Variants in ABCA13 observed in about 807,000 individuals in gnomAD.
ABCA13 encodes the protein ATP binding cassette subfamily A member 13.
A neutral mutation model predicts 478.7 loss-of-function variants in ABCA13; 476 were observed. The observed-to-expected ratio is 0.99, with a 90% CI of 0.92 to 1.07. The LOEUF (loss-of-function observed/expected upper bound fraction) is 1.07. Among genes scored for constraint, ABCA13 ranks in the 50% least tolerant of loss-of-function variants. ABCA13 has a pLI of 0.00. For missense variants in ABCA13, 6,060 were observed against 5,910.6 expected, an observed-to-expected ratio of 1.03 and a Z score of -0.83; for synonymous variants, 2,252 against 2,158.9, an observed-to-expected ratio of 1.04 and a Z score of -1.20.
chr7:48,373,936 T>C (rs1290231975), intron 33 of ABCA13, among the ~76,000 whole-genome samples: 2 of 152,190 alleles, frequency 1.3e-5, no homozygotes, highest in African/African-American at 4.8e-5. Context: ...TCAATACACC[T>C]TCTTTCTAGT....
At position 48,245,901 on chromosome 7, in the gene ABCA13, C is replaced by A. The variant is rs768509907; in HGVS notation, c.1530C>A (p.Phe510Leu). 6.2e-7 allele frequency: 1 copy of A among 1,613,368 alleles called. No homozygotes were observed. The highest frequency in any genetic ancestry group is 8.5e-7 in the Non-Finnish European group (1 of 1,179,640). The change falls in exon 13 of 62, where the codon TTC (phenylalanine) becomes TTA (leucine). Residue 510 changes from phenylalanine to leucine, a missense_variant. Transcript: ENST00000435803. ...AKNAVCPNGR[F>L]SEKEVFLPPG... Reference sequence around the variant, plus strand: ...ATGCTGTCTGCCCGAATGGTCGTTTCTCTGAGAAGGAGGTCTTTTTGCCGC... The same window carrying A: ...ATGCTGTCTGCCCGAATGGTCGTTTATCTGAGAAGGAGGTCTTTTTGCCGC...
rs941245783 is a variant in ABCA13, at chr7:48,387,824, A to T, written c.11338A>T (p.Thr3780Ser). The change falls in exon 36 of 62, where the codon ACA becomes TCA. Residue 3780 changes from threonine to serine, a missense_variant and splice_region_variant. Thr to Ser is a moderately conservative substitution (Grantham distance 58, BLOSUM62 1). Around this residue, in one of 3 missense-constraint regions of ABCA13, gnomAD observed 1,627 missense variants for 1,571.0 expected, o/e 1.04. Transcript: ENST00000435803. ...GWYLSNLIPG[T>S]FGLRKPWYFP... ...ATTTTAATTGTTTCATTTTTTAGGA[A>T]CATTTGGTTTACGGAAACCATGGTA... The T allele has an allele frequency of 6.4e-7, 1 of 1,570,024 alleles. No individual in the cohort carries two copies. The highest frequency in any genetic ancestry group is 2.0e-5 in the Admixed American group (1 of 49,222).
intron 2 of ABCA13, among the ~76,000 whole-genome samples, chr7:48,195,101 T>G (rs1275245621): frequency 6.6e-6 from 1 of 152,074 alleles, no homozygotes. Context: ...AACAAGAGAG[T>G]GCAGAGGAGA....
chr7:48,339,994 T>C (rs949866880), intron 29 of ABCA13, among the ~76,000 whole-genome samples: 1 of 152,212 alleles, frequency 6.6e-6, no homozygotes, highest in Non-Finnish European at 1.5e-5. Context: ...CTTTTCTTCA[T>C]CCTATAAACA....
At chr7:48,287,444 A>G (rs111609360) in intron 19 of ABCA13, among the ~76,000 whole-genome samples, 6 of 152,324 alleles carry the variant, frequency 3.9e-5, no homozygotes, top group African/African-American at 1.4e-4. Flanking sequence ...TTGGGAGGTC[A>G]TGCTGAGCAG....
chr7:48,257,688 G>A (rs1793599557), intron 15 of ABCA13, among the ~76,000 whole-genome samples: 1 of 152,084 alleles, frequency 6.6e-6, no homozygotes, highest in Admixed American at 6.6e-5. Context: ...CTGATGTGTT[G>A]CTGATTTGGT....
chr7:48,374,280 T>C lies in ABCA13; in HGVS notation c.11134-67T>C, dbSNP rs559400763. On this transcript the variant is annotated intron_variant, in intron 33 of 61. Transcript: ENST00000435803. ...ATGGCTTCGCTCCTTGAATTAAGTG[T>C]TGTGGATTTTCTGTGGTCCCAATCA... 313 of 1,426,120 alleles carry C rather than the reference T, an allele frequency of 2.2e-4. 1 individual carries two copies. Among genetic ancestry groups the C allele is most frequent in the Non-Finnish European group, 2.2e-4 (232 of 1,042,428 alleles). The allele number at this position is 1,426,120 out of a possible 1,614,324, so 88.3% of individuals were successfully genotyped here. A position where few individuals can be genotyped will look rare whatever the true frequency, so the allele number is the denominator to read the frequency against.
chr7:48,520,360 T>C, intron 53 of ABCA13, 66 bp downstream of exon 53: 1 of 1,495,618 alleles, frequency 6.7e-7, no homozygotes, highest in Non-Finnish European at 8.9e-7. Flanking sequence ...AGAGAAAAAT[T>C]CATCCTGGAG....
intron 38 of ABCA13, among the ~76,000 whole-genome samples, chr7:48,394,328 C>T (rs1470124085): frequency 2.0e-5 from 3 of 152,168 alleles, no homozygotes; most frequent in Non-Finnish European, 2.9e-5. Flanking sequence ...GTGCCTGCTG[C>T]GCTGGTCTTA....
chr7:48,381,186 T>C (rs2129043479), intron 35 of ABCA13, among the ~76,000 whole-genome samples: 1 of 152,174 alleles, frequency 6.6e-6, no homozygotes, highest in Middle Eastern at 3.4e-3. Flanking sequence ...TAACAAAGTG[T>C]AGTTTCAATG....
At chr7:48,457,900 T>C (rs952500418) in intron 43 of ABCA13, among the ~76,000 whole-genome samples, 8 of 152,228 alleles carry the variant, frequency 5.3e-5, no homozygotes, top group Admixed American at 2.0e-4. Context: ...AGCATCCACA[T>C]TGATGGAACA....
chr7:48,409,488 C>G (rs1818703117), intron 39 of ABCA13, among the ~76,000 whole-genome samples: 1 of 152,176 alleles, frequency 6.6e-6, no homozygotes, highest in African/African-American at 2.4e-5. Flanking sequence ...CCCAAGTCCC[C>G]CTCCACCCTG....
chr7:48,522,146 G>A (rs1298725204), intron 53 of ABCA13, among the ~76,000 whole-genome samples: 3 of 152,080 alleles, frequency 2.0e-5, no homozygotes, highest in Non-Finnish European at 4.4e-5. Flanking sequence ...TTATGGTATC[G>A]ATATGCTACT....
At chr7:48,642,783 T>C (rs545866305) in intron 59 of ABCA13, among the ~76,000 whole-genome samples, 1 of 152,298 alleles carries the variant, frequency 6.6e-6, no homozygotes, top group African/African-American at 2.4e-5. Context: ...TTTGCAGTCA[T>C]AGGGCCTGTC....
At position 48,520,370 on chromosome 7, in the gene ABCA13, G is replaced by A; in HGVS notation, c.14051+76G>A. The A allele has an allele frequency of 4.8e-6, 7 of 1,457,066 alleles. No individual in the cohort carries two copies. The South Asian group carries it at 5.9e-5, about 12-fold the overall frequency. 90.3% of individuals were successfully genotyped at this position (1,457,066 alleles called of 1,614,324 possible). On this transcript the variant is annotated intron_variant, in intron 53 of 61. Coordinates refer to ENST00000435803, the MANE Select transcript of ABCA13 (RefSeq NM_152701.5). ...GAGGAAGAGAAAAATTCATCCTGGA[G>A]GTTGTAAAATAAAAATTATATCTGA...
At chr7:48,336,840 C>A (rs1396709920) in intron 28 of ABCA13, among the ~76,000 whole-genome samples, 1 of 152,204 alleles carries the variant, frequency 6.6e-6, no homozygotes, top group Non-Finnish European at 1.5e-5. Context: ...CATCAGCAAA[C>A]CTTTGCAGTT....
intron 19 of ABCA13, among the ~76,000 whole-genome samples, chr7:48,284,654 C>T (rs1283232244): frequency 6.6e-6 from 1 of 152,098 alleles, no homozygotes; most frequent in African/African-American, 2.4e-5. Flanking sequence ...TTTATTTTGC[C>T]ATTCTGTATT....
At chr7:48,172,571 G>A (rs186232598) in intron 1 of ABCA13, among the ~76,000 whole-genome samples, 9 of 151,908 alleles carry the variant, frequency 5.9e-5, no homozygotes, top group East Asian at 3.9e-4. Flanking sequence ...CGAGGCGGGC[G>A]GATCACGAGG....
intron 47 of ABCA13, among the ~76,000 whole-genome samples, chr7:48,486,278 A>G (rs888957419): frequency 6.6e-6 from 1 of 152,152 alleles, no homozygotes; most frequent in African/African-American, 2.4e-5. Flanking sequence ...CAAAGTTCTT[A>G]CAATTGCACC....
Sources: gnomAD v4.1 joint callset for allele counts (sites outside exome capture counted in the v4.1 genomes callset) on GRCh38, gnomAD v4.1.1 for gene constraint, gnomAD v4.1.1 regional missense constraint, MANE v1.5 for transcripts, NCBI Gene and HGNC (gene_info 2026-07-23, HGNC 2026-07-21) for gene names.